Variants in AHI1 observed in about 807,000 individuals in gnomAD.
The protein encoded by AHI1 is jouberin.
Under a neutral mutation model 149.3 loss-of-function variants are expected in AHI1, and 123 were observed. The observed-to-expected ratio is 0.82, with a 90% CI of 0.71 to 0.96. AHI1 has a LOEUF of 0.96. Ranked by LOEUF, AHI1 falls within the 40% of genes least tolerant of loss-of-function variation. AHI1 has a pLI of 0.00. For missense variants in AHI1, 1,439 were observed against 1,422.7 expected (o/e 1.01, Z -0.18); for synonymous variants, 475 against 459.8 (o/e 1.03, Z -0.42).
chr6:135,347,069 G>A (rs1791346248), intron 24 of AHI1, among the ~76,000 whole-genome samples: 1 of 152,190 alleles, frequency 6.6e-6, no homozygotes, highest in African/African-American at 2.4e-5. Flanking sequence ...GTGGGCTGAT[G>A]GAATGTTTTC....
intron 24 of AHI1, among the ~76,000 whole-genome samples, chr6:135,326,492 A>C (rs1476927650): frequency 1.3e-5 from 2 of 152,152 alleles, no homozygotes; most frequent in Non-Finnish European, 2.9e-5. Flanking sequence ...TACATGGATG[A>C]ATTGTACAGT....
At chr6:135,457,216 A>T (rs901640401) in intron 9 of AHI1, among the ~76,000 whole-genome samples, 30 of 152,170 alleles carry the variant, frequency 2.0e-4, no homozygotes, top group African/African-American at 7.0e-4. Context: ...CCCAGGAGGC[A>T]GAGGTTGCAG....
At chr6:135,467,200 T>C (rs190040569) in intron 6 of AHI1, among the ~76,000 whole-genome samples, 5 of 151,630 alleles carry the variant, frequency 3.3e-5, no homozygotes, top group Non-Finnish European at 5.9e-5. Context: ...TAAAAACAAC[T>C]AACAAGGAAG....
intron 22 of AHI1, among the ~76,000 whole-genome samples, chr6:135,403,898 T>C (rs1427885070): frequency 1.3e-5 from 2 of 152,016 alleles, no homozygotes; most frequent in African/African-American, 4.8e-5. Flanking sequence ...GACAGCTCAG[T>C]GATGGGGTAA....
chr6:135,427,297 T>C lies in AHI1; in HGVS notation c.2634A>G (p.Val878=), dbSNP rs1036098372. 11 of 1,608,654 alleles carry C rather than the reference T, an allele frequency of 6.8e-6. No homozygotes were observed. In the African/African-American group the frequency reaches 8.0e-5, roughly 12 times the overall value. ...YVWNPETGEQ[V]AMYSDLPFKS... ...TGAATGGCAAGTCAGAATACATGGC[T>C]ACTTGTTCTCCTAAATAAAAAGAGA... The change falls in exon 20 of 29, where the codon GTA becomes GTG. Residue 878 remains valine, a synonymous_variant. Transcript: ENST00000265602.
chr6:135,402,010 A>C (rs1362522085), intron 22 of AHI1, among the ~76,000 whole-genome samples: 1 of 152,178 alleles, frequency 6.6e-6, no homozygotes, highest in East Asian at 1.9e-4. Flanking sequence ...CAATTTTAAA[A>C]CCAGGTGAAA....
At chr6:135,288,862 A>G (rs935188665) in intron 28 of AHI1, among the ~76,000 whole-genome samples, 10 of 151,972 alleles carry the variant, frequency 6.6e-5, no homozygotes, top group African/African-American at 2.2e-4. Flanking sequence ...AAACCCTAAC[A>G]TATTACCTAA....
At chr6:135,288,002 G>T (rs944684886) in intron 28 of AHI1, among the ~76,000 whole-genome samples, 10 of 151,972 alleles carry the variant, frequency 6.6e-5, no homozygotes, top group African/African-American at 2.4e-4. Context: ...GGCTGAGGCA[G>T]GAGAATCACT....
At chr6:135,308,035 A>C (rs796815326) in intron 26 of AHI1, among the ~76,000 whole-genome samples, 19 of 152,328 alleles carry the variant, frequency 1.2e-4, no homozygotes, top group African/African-American at 4.6e-4. Flanking sequence ...CAGCAGAGTT[A>C]GGGTGACGGA....
chr6:135,375,258 A>C (rs1284509104), intron 23 of AHI1, among the ~76,000 whole-genome samples: 1 of 152,166 alleles, frequency 6.6e-6, no homozygotes. Context: ...TTGATTCTGA[A>C]AATCATATAG....
In AHI1 at chr6:135,455,872, AG is replaced by A. The variant is rs794729195; in HGVS notation, c.1205del (p.Pro402LeufsTer3). 3 of 1,586,186 alleles carry A rather than the reference AG, an allele frequency of 1.9e-6. No individual in the cohort carries two copies. The highest frequency in any genetic ancestry group is 1.7e-5 in the Admixed American group (1 of 58,264). ...TAAAATCATATGGCTGGGTCATAATAGGAAGAATATAATCCACATTCTCTTT... is the reference window on the plus strand; with the variant it reads ...TAAAATCATATGGCTGGGTCATAATAGAAGAATATAATCCACATTCTCTTT... ...YEKENVDYIL[P>X]IMTQPYDFKQ... On this transcript the variant is annotated frameshift_variant, in exon 10 of 29. Coordinates refer to ENST00000265602, the MANE Select transcript of AHI1 (RefSeq NM_001134831.2). LOFTEE classifies it high-confidence loss of function.
rs1784236399 is a variant in AHI1 at position 135,428,656 on chromosome 6, T to C, written c.2596A>G (p.Ile866Val). 7 of 1,608,774 alleles carry C rather than the reference T, an allele frequency of 4.4e-6. No individual in the cohort carries two copies. Among genetic ancestry groups the C allele is most frequent in the South Asian group, 3.3e-5 (3 of 90,300 alleles). ...GTTTCTGGGTTCCAAACATACACTA[T>C]ACCATCCTCACTTCCAGCAAACAGA... ...TFLFAGSEDG[I>V]VYVWNPETGE... The change falls in exon 19 of 29, where the codon ATA (isoleucine) becomes GTA (valine). Residue 866 changes from isoleucine (I) to valine (V), a missense_variant. Coordinates refer to ENST00000265602, the MANE Select transcript of AHI1 (RefSeq NM_001134831.2).
At position 135,405,072 on chromosome 6, in the gene AHI1, A is replaced by T. The variant is rs1020888028; in HGVS notation, c.2962-95T>A. 2.4e-4 allele frequency: 253 copies of T among 1,047,724 alleles called. 1 individual carries two copies. The highest frequency in any genetic ancestry group is 4.5e-5 in the Non-Finnish European group (32 of 708,484). 64.9% of individuals were successfully genotyped at this position (1,047,724 alleles called of 1,614,324 possible). A position where few individuals can be genotyped will look rare whatever the true frequency, so the allele number is the denominator to read the frequency against. ...CAGATGTTTATCTTCTAATAACCTA[A>T]ATCAGCATTTGGAAGTTTCTTTATC... On this transcript the variant is annotated intron_variant, in intron 21 of 28. Coordinates refer to ENST00000265602, the MANE Select transcript of AHI1 (RefSeq NM_001134831.2).
intron 26 of AHI1, among the ~76,000 whole-genome samples, chr6:135,310,108 C>G (rs1376812989): frequency 6.6e-6 from 1 of 152,144 alleles, no homozygotes; most frequent in South Asian, 2.1e-4. Flanking sequence ...ATTTGGAAAA[C>G]CTGTTTCACC....
chr6:135,494,206 G>A (rs1044557419), intron 3 of AHI1, among the ~76,000 whole-genome samples: 8 of 152,186 alleles, frequency 5.3e-5, no homozygotes, highest in Admixed American at 6.5e-5. Context: ...AGTCACTTGC[G>A]TGACTTTTGT....
At chr6:135,486,278 T>A (rs1794458876) in intron 5 of AHI1, among the ~76,000 whole-genome samples, 1 of 152,174 alleles carries the variant, frequency 6.6e-6, no homozygotes, top group African/African-American at 2.4e-5. Flanking sequence ...AAATCATACA[T>A]AATATACCAT....
intron 19 of AHI1, 55 bp downstream of exon 19, chr6:135,428,573 CT>C: frequency 1.4e-6 from 2 of 1,462,982 alleles, no homozygotes; most frequent in Non-Finnish European, 1.8e-6. Flanking sequence ...AATTTTCACA[CT>C]TCTTCAAACC....
chr6:135,380,209 A>G (rs143667670), intron 23 of AHI1, among the ~76,000 whole-genome samples: 1,663 of 152,068 alleles, frequency 0.011, 12 homozygotes, highest in South Asian at 0.016. Context: ...AGCCCTCTGC[A>G]TCCATGGGTT....
chr6:135,310,181 T>C (rs1191793480), intron 26 of AHI1, among the ~76,000 whole-genome samples: 3 of 152,208 alleles, frequency 2.0e-5, no homozygotes, highest in African/African-American at 7.2e-5. Flanking sequence ...TAATAAATCA[T>C]ATTATTCCTA....
Sources: gnomAD v4.1 joint callset for allele counts (sites outside exome capture counted in the v4.1 genomes callset) on GRCh38, gnomAD v4.1.1 for gene constraint, MANE v1.5 for transcripts, NCBI Gene and HGNC (gene_info 2026-07-23, HGNC 2026-07-21) for gene names.